The following RIMBP2 variants were observed in gnomAD, a reference collection of about 807,000 sequenced individuals.
The protein encoded by RIMBP2 is RIMS-binding protein 2.
Under a neutral mutation model 118.6 loss-of-function variants are expected in RIMBP2, and 48 were observed. That is an observed-to-expected ratio of 0.40 (90% confidence interval 0.32 to 0.51). RIMBP2 has a LOEUF of 0.51. Among genes scored for constraint, RIMBP2 ranks in the 20% least tolerant of loss-of-function variants. The probability of loss-of-function intolerance (pLI) is 0.41; values close to 1 mark genes in which losing one functional copy is unlikely to be tolerated. For synonymous variants in RIMBP2, 762 were observed against 742.9 expected, an observed-to-expected ratio of 1.03 and a Z score of -0.42; for missense variants, 1,551 against 1,768.3, an observed-to-expected ratio of 0.88 and a Z score of 2.20.
chr12:130,536,150 G>C (rs1173484761), intron 2 of RIMBP2, among the ~76,000 whole-genome samples: 1 of 152,114 alleles, frequency 6.6e-6, no homozygotes, highest in Non-Finnish European at 1.5e-5. Context: ...AGGCATTTAA[G>C]TAATAGTGTG....
chr12:130,545,013 T>C (rs2054978580), intron 2 of RIMBP2, among the ~76,000 whole-genome samples: 1 of 152,188 alleles, frequency 6.6e-6, no homozygotes, highest in Admixed American at 6.5e-5. Context: ...CAGGACAGGA[T>C]TCAAGCATTT....
In RIMBP2 at chr12:130,585,186, G is replaced by A. The variant is rs10450709; in HGVS notation, c.-217+43136C>T. On this transcript the variant is annotated intron_variant, in intron 2 of 22. Transcript: ENST00000690449. ...TTAACAGGCGTGAGCCACTGAATCC[G>A]ATGACCACTCCAGCCCCATCATTGC... Among the ~76,000 whole-genome samples the A allele has an allele frequency of 1.8e-4, 27 of 152,270 alleles. 1 individual carries two copies. The highest frequency in any genetic ancestry group is 6.0e-4 in the African/African-American group (25 of 41,534).
At position 130,621,605 on chromosome 12, in the gene RIMBP2, G is replaced by T. The variant is rs1023770342; in HGVS notation, c.-217+6717C>A. On this transcript the variant is annotated intron_variant, in intron 2 of 22. Coordinates refer to ENST00000690449, the MANE Select transcript of RIMBP2 (RefSeq NM_001393629.1). This position sits in a 1 kb window ranked among gnomAD's most constrained non-coding sequence, Gnocchi z 6.6. ...ACCACGGGGCATAGCAAGCCCCAAG[G>T]CCTCTCTGAGCCCACGGCTATATCA... 2.0e-5 allele frequency among the ~76,000 whole-genome samples: 3 copies of T among 152,116 alleles called. No individual in the cohort carries two copies. Among genetic ancestry groups the T allele is most frequent in the Admixed American group, 2.0e-4 (3 of 15,280 alleles).
chr12:130,652,030 C>T (rs1237865173), intron 1 of RIMBP2, among the ~76,000 whole-genome samples: 5 of 152,212 alleles, frequency 3.3e-5, no homozygotes, highest in Non-Finnish European at 7.3e-5. Context: ...TCCCTCCTGC[C>T]TCAGCTTTAT....
chr12:130,564,607 G>A (rs978410236), intron 2 of RIMBP2, among the ~76,000 whole-genome samples: 15 of 152,272 alleles, frequency 9.9e-5, no homozygotes, highest in South Asian at 4.1e-4. Flanking sequence ...TTGCAACAGC[G>A]TGGATAGACC....
At chr12:130,499,535 T>C (rs150878707) in intron 4 of RIMBP2, among the ~76,000 whole-genome samples, 1 of 152,254 alleles carries the variant, frequency 6.6e-6, no homozygotes, top group African/African-American at 2.4e-5. Flanking sequence ...CTCCAAGTCA[T>C]CTCCCTCATC....
At chr12:130,466,791 C>T (rs2080517550) in intron 6 of RIMBP2, among the ~76,000 whole-genome samples, 1 of 152,208 alleles carries the variant, frequency 6.6e-6, no homozygotes, top group African/African-American at 2.4e-5. Flanking sequence ...ACAAAGAACT[C>T]AGCTCCTAAC....
At chr12:130,398,963 C>A (rs752957647) in intron 22 of RIMBP2, 21 of 369,556 alleles carry the variant, frequency 5.7e-5, no homozygotes, top group Non-Finnish European at 9.0e-5. Context: ...AAGTAATATT[C>A]TAATTATTTA....
chr12:130,715,320 G>A (rs1950253205), intron 1 of RIMBP2, among the ~76,000 whole-genome samples: 1 of 152,148 alleles, frequency 6.6e-6, no homozygotes, highest in Non-Finnish European at 1.5e-5. Flanking sequence ...CCCGGGGCCA[G>A]TGACCAGGCC....
intron 17 of RIMBP2, among the ~76,000 whole-genome samples, chr12:130,415,906 A>G (rs2076071152): frequency 6.6e-6 from 1 of 152,192 alleles, no homozygotes; most frequent in Non-Finnish European, 1.5e-5. Flanking sequence ...CTATACACCA[A>G]TAAATTGTTC....
chr12:130,485,152 C>G (rs1174729915), intron 4 of RIMBP2, among the ~76,000 whole-genome samples: 4 of 152,148 alleles, frequency 2.6e-5, no homozygotes, highest in Non-Finnish European at 5.9e-5. Flanking sequence ...AGGGCTGCAC[C>G]AACAGGATGA....
chr12:130,506,899 T>A, intron 3 of RIMBP2, 129 bp from the exon 4 acceptor site: 1 of 700,928 alleles, frequency 1.4e-6, no homozygotes, highest in South Asian at 6.4e-5. Flanking sequence ...TCCTTCTCCA[T>A]CATGGACTGG....
chr12:130,708,535 A>C (rs981303156), intron 1 of RIMBP2, among the ~76,000 whole-genome samples: 4 of 151,978 alleles, frequency 2.6e-5, no homozygotes. Context: ...AAAATATAAA[A>C]AATTAGCCAG....
In RIMBP2 at chr12:130,675,740, A is replaced by G. The variant is rs867432588; in HGVS notation, c.-352+40482T>C. Among the ~76,000 whole-genome samples the G allele has an allele frequency of 9.9e-5, 15 of 152,260 alleles. No homozygotes were observed. In the South Asian group the frequency reaches 2.9e-3, roughly 29 times the overall value. On this transcript the variant is annotated intron_variant, in intron 1 of 22. Coordinates refer to ENST00000690449, the MANE Select transcript of RIMBP2 (RefSeq NM_001393629.1). The stretch of plus-strand genomic sequence containing the variant: ...ACTCCGATATAAAGTCTGGAGGTTC[A>G]TGGTACAGCCAGTGTATTAAACAGC...
At chr12:130,632,079 G>A (rs915610160) in intron 1 of RIMBP2, among the ~76,000 whole-genome samples, 1 of 152,216 alleles carries the variant, frequency 6.6e-6, no homozygotes, top group African/African-American at 2.4e-5. Flanking sequence ...ATCAACTGAT[G>A]TAACACCACT....
intron 2 of RIMBP2, among the ~76,000 whole-genome samples, chr12:130,542,295 C>A (rs903394103): frequency 6.6e-6 from 1 of 150,720 alleles, no homozygotes; most frequent in South Asian, 2.2e-4. Context: ...GAAGTGACTG[C>A]AGTCTTGTAG....
At chr12:130,407,666 C>T (rs2075302787) in intron 20 of RIMBP2, 60 bp downstream of exon 20, 1 of 1,353,196 alleles carries the variant, frequency 7.4e-7, no homozygotes, top group East Asian at 2.3e-5. Flanking sequence ...GTGTGGTGTA[C>T]CACGAGGGAA....
At position 130,427,691 on chromosome 12, in the gene RIMBP2, G is replaced by A. The variant is rs73444584; in HGVS notation, c.2412+488C>T. 7.3e-3 allele frequency: 1,115 copies of A among 152,760 alleles called. 10 individuals are homozygous for A. The highest frequency in any genetic ancestry group is 0.026 in the African/African-American group (1,073 of 41,586). The allele number at this position is 152,760 out of a possible 1,614,324, so 9.5% of individuals were successfully genotyped here. On this transcript the variant is annotated intron_variant, in intron 15 of 22. Coordinates refer to ENST00000690449, the MANE Select transcript of RIMBP2 (RefSeq NM_001393629.1). Reference sequence around the variant, plus strand: ...TTGAGGCCGGTGTGATCAGATGTGGGACACCCATCTCTTCCGACCTCACTG... The same window carrying A: ...TTGAGGCCGGTGTGATCAGATGTGGAACACCCATCTCTTCCGACCTCACTG...
intron 2 of RIMBP2, among the ~76,000 whole-genome samples, chr12:130,592,818 C>A (rs367672068): frequency 4.6e-5 from 7 of 152,166 alleles, no homozygotes; most frequent in South Asian, 4.1e-4. Flanking sequence ...ATTTGTTTCC[C>A]AGGCAGGGAA....
Sources: allele counts gnomAD v4.1 joint callset (sites outside exome capture counted in the v4.1 genomes callset), GRCh38; gene constraint gnomAD v4.1.1; non-coding constraint Gnocchi (gnomAD v3.1); transcripts MANE v1.5; gene names NCBI Gene and HGNC (gene_info 2026-07-23, HGNC 2026-07-21).